The following ATRNL1 variants were observed in gnomAD, a reference collection of about 807,000 sequenced individuals.
The protein encoded by ATRNL1 is attractin-like protein 1.
Under a neutral mutation model 182.7 loss-of-function variants are expected in ATRNL1, and 95 were observed. The observed-to-expected ratio is 0.52, with a 90% CI of 0.44 to 0.62. The LOEUF is 0.62. Ranked by LOEUF, ATRNL1 falls within the 20% of genes least tolerant of loss-of-function variation. ATRNL1 has a pLI of 0.00. For missense variants in ATRNL1, 1,471 were observed against 1,679.5 expected (o/e 0.88, Z 2.17); for synonymous variants, 576 against 568.3 (o/e 1.01, Z -0.19).
intron 8 of ATRNL1, among the ~76,000 whole-genome samples, chr10:115,205,607 T>G (rs1467438976): frequency 6.6e-6 from 1 of 151,984 alleles, no homozygotes; most frequent in African/African-American, 2.4e-5. Flanking sequence ...TAATCTTATC[T>G]TAATGTGATA....
At chr10:115,750,417 T>C (rs1555070375) in intron 27 of ATRNL1, among the ~76,000 whole-genome samples, 1 of 151,770 alleles carries the variant, frequency 6.6e-6, no homozygotes, top group Non-Finnish European at 1.5e-5. Context: ...TGAACAGCTA[T>C]ATGGGAAAAG....
At chr10:115,406,703 G>T (rs1395166467) in intron 20 of ATRNL1, among the ~76,000 whole-genome samples, 1 of 151,952 alleles carries the variant, frequency 6.6e-6, no homozygotes, top group Non-Finnish European at 1.5e-5. Flanking sequence ...CAAGTTTCTT[G>T]TGATTTTTCT....
intron 26 of ATRNL1, among the ~76,000 whole-genome samples, chr10:115,622,003 GT>G (rs1857798677): frequency 6.6e-6 from 1 of 152,188 alleles, no homozygotes; most frequent in Non-Finnish European, 1.5e-5. Context: ...TAAAGGTGAG[GT>G]GTGGAAGGGG....
chr10:115,811,530 T>C (rs1950046664), intron 27 of ATRNL1, among the ~76,000 whole-genome samples: 1 of 152,042 alleles, frequency 6.6e-6, no homozygotes, highest in Non-Finnish European at 1.5e-5. Context: ...ATATTCTTAC[T>C]GATTCTTCCT....
Position 115,492,628 on chromosome 10 carries a change from C to A in ATRNL1, c.3654+23299C>A, listed in dbSNP as rs536708744. Among the ~76,000 whole-genome samples the A allele has an allele frequency of 1.7e-4, 24 of 138,462 alleles. No individual in the cohort carries two copies. The East Asian group carries it at 2.9e-3, about 16-fold the overall frequency. The allele number at this position is 138,462 out of a possible 152,430, so 90.8% of individuals were successfully genotyped here. On this transcript the variant is annotated intron_variant, in intron 24 of 28. Transcript: ENST00000355044. ...TATAATTCATTTCTTTTAATTCTTT[C>A]ATTTTTACTAAAGTGATTTTTTTTT...
chr10:115,609,130 A>G (rs1857018093), intron 26 of ATRNL1, among the ~76,000 whole-genome samples: 1 of 152,126 alleles, frequency 6.6e-6, no homozygotes, highest in South Asian at 2.1e-4. Flanking sequence ...CACGTGAGTT[A>G]TGGTTGGTGA....
At chr10:115,245,728 G>T (rs998026456) in intron 10 of ATRNL1, among the ~76,000 whole-genome samples, 1 of 151,848 alleles carries the variant, frequency 6.6e-6, no homozygotes, top group Non-Finnish European at 1.5e-5. Context: ...TGCTTTTCAT[G>T]TTTATAATTA....
chr10:115,323,971 G>A (rs531499609), intron 18 of ATRNL1, among the ~76,000 whole-genome samples: 3 of 150,598 alleles, frequency 2.0e-5, no homozygotes, highest in Non-Finnish European at 4.4e-5. Flanking sequence ...TAGCGATGGG[G>A]TTTCACCGTG....
At chr10:115,130,702 T>G (rs1355139691) in intron 5 of ATRNL1, among the ~76,000 whole-genome samples, 2 of 152,114 alleles carry the variant, frequency 1.3e-5, no homozygotes, top group Admixed American at 1.3e-4. Context: ...CAAAAGTGCC[T>G]TGAGATGTAA....
At chr10:115,349,983 G>A (rs1218220290) in intron 19 of ATRNL1, among the ~76,000 whole-genome samples, 1 of 151,960 alleles carries the variant, frequency 6.6e-6, no homozygotes, top group African/African-American at 2.4e-5. Context: ...ATATTACTTT[G>A]GTTACATGTG....
At position 115,565,609 on chromosome 10, in the gene ATRNL1, A is replaced by C. The variant is rs527947547; in HGVS notation, c.3795+16073A>C. On this transcript the variant is annotated intron_variant, in intron 26 of 28. Coordinates refer to ENST00000355044, the MANE Select transcript of ATRNL1 (RefSeq NM_207303.4). Reference sequence around the variant, plus strand: ...TTGGTCCTAATGGCTTGCTTTGGAAATTAACTTAGAATGACTTAGAAGCAC... The same window carrying C: ...TTGGTCCTAATGGCTTGCTTTGGAACTTAACTTAGAATGACTTAGAAGCAC... Among the ~76,000 whole-genome samples, 6 of 152,224 alleles carry C rather than the reference A, an allele frequency of 3.9e-5. No individual in the cohort carries two copies. The East Asian group carries it at 1.2e-3, about 29-fold the overall frequency.
chr10:115,546,332 A>T (rs1372829664), intron 25 of ATRNL1, among the ~76,000 whole-genome samples: 1 of 152,004 alleles, frequency 6.6e-6, no homozygotes, highest in Non-Finnish European at 1.5e-5. Flanking sequence ...TGGGAGGCTG[A>T]GGAGGGCAGA....
chr10:115,512,498 A>T (rs1019290957), intron 24 of ATRNL1, among the ~76,000 whole-genome samples: 1 of 151,420 alleles, frequency 6.6e-6, no homozygotes, highest in Admixed American at 6.6e-5. Context: ...AAATTTCTTG[A>T]AGTTATTTAT....
intron 28 of ATRNL1, among the ~76,000 whole-genome samples, chr10:115,865,599 G>T (rs527421605): frequency 9.2e-5 from 14 of 152,236 alleles, no homozygotes; most frequent in African/African-American, 2.9e-4. Flanking sequence ...GTATAGCCAT[G>T]TTCCCATTAT....
At chr10:115,182,772 G>A (rs1242100696) in intron 8 of ATRNL1, among the ~76,000 whole-genome samples, 1 of 151,278 alleles carries the variant, frequency 6.6e-6, no homozygotes, top group Admixed American at 6.6e-5. Context: ...ATATATATTA[G>A]AAGAATATTA....
chr10:115,648,774 A>C (rs782556550), intron 26 of ATRNL1, among the ~76,000 whole-genome samples: 49 of 152,168 alleles, frequency 3.2e-4, no homozygotes, highest in Non-Finnish European at 5.6e-4. Flanking sequence ...GTATTGTTTC[A>C]TTATGTGGCC....
chr10:115,200,673 T>C (rs1165225738), intron 8 of ATRNL1, among the ~76,000 whole-genome samples: 31 of 141,774 alleles, frequency 2.2e-4, no homozygotes, highest in Non-Finnish European at 4.0e-4. Flanking sequence ...TTGTGAATAG[T>C]GCCGCAGTAA....
intron 19 of ATRNL1, among the ~76,000 whole-genome samples, chr10:115,346,429 T>C (rs1457032110): frequency 6.6e-6 from 1 of 152,234 alleles, no homozygotes; most frequent in Non-Finnish European, 1.5e-5. Flanking sequence ...TATGATAGCA[T>C]GTATCAGACT....
At chr10:115,162,994 G>A (rs1464422889) in intron 6 of ATRNL1, among the ~76,000 whole-genome samples, 1 of 151,290 alleles carries the variant, frequency 6.6e-6, no homozygotes, top group Non-Finnish European at 1.5e-5. Context: ...TTAAAAGCGT[G>A]TCTAGAGTTA....
Sources: allele counts gnomAD v4.1 joint callset (sites outside exome capture counted in the v4.1 genomes callset), GRCh38; gene constraint gnomAD v4.1.1; transcripts MANE v1.5; gene names NCBI Gene and HGNC (gene_info 2026-07-23, HGNC 2026-07-21).